The following SPMAP2L variants were observed in gnomAD, a reference collection of about 807,000 sequenced individuals.
SPMAP2L encodes the protein sperm microtubule associated protein 2 like.
At chr4:56,559,778 A>G in the SPMAP2L span, among the ~76,000 whole-genome samples, 1 of 152,122 alleles carries the variant, frequency 6.6e-6, no homozygotes, top group African/African-American at 2.4e-5. Flanking sequence ...TATGTTGGCC[A>G]GACTGGTCTC....
chr4:56,613,182 G>C, the SPMAP2L span, among the ~76,000 whole-genome samples: 1 of 152,310 alleles, frequency 6.6e-6, no homozygotes, highest in South Asian at 2.1e-4. Context: ...GCAGTAAGGG[G>C]AGGGAGCCTG....
At chr4:56,536,594 A>T in the SPMAP2L span, among the ~76,000 whole-genome samples, 1 of 152,306 alleles carries the variant, frequency 6.6e-6, no homozygotes, top group East Asian at 1.9e-4. Context: ...TGAATGAAAG[A>T]TCTCTTCATT....
the SPMAP2L span, among the ~76,000 whole-genome samples, chr4:56,609,133 T>TCTGC: frequency 6.8e-6 from 1 of 147,396 alleles, no homozygotes; most frequent in Non-Finnish European, 1.5e-5. Context: ...CACTGCAACC[T>TCTGC]CTGCCTCCCG....
the SPMAP2L span, among the ~76,000 whole-genome samples, chr4:56,549,049 C>T: frequency 1.4e-5 from 2 of 147,968 alleles, no homozygotes; most frequent in East Asian, 2.0e-4. Context: ...AGTGCAGTGG[C>T]GTGATCTCGG....
At chr4:56,592,325 A>G in the SPMAP2L span, among the ~76,000 whole-genome samples, 2 of 152,200 alleles carry the variant, frequency 1.3e-5, no homozygotes, top group Non-Finnish European at 2.9e-5. Flanking sequence ...GCTTTATAGC[A>G]TTCTTTTTTG....
the SPMAP2L span, among the ~76,000 whole-genome samples, chr4:56,587,839 T>A: frequency 6.6e-6 from 1 of 152,250 alleles, no homozygotes; most frequent in African/African-American, 2.4e-5. Flanking sequence ...TACCCAGCAG[T>A]GGGATTGCTG....
At chr4:56,575,238 G>C in the SPMAP2L span, among the ~76,000 whole-genome samples, 1 of 140,000 alleles carries the variant, frequency 7.1e-6, no homozygotes, top group Non-Finnish European at 1.6e-5. Context: ...GACAGAGCGA[G>C]ACTCCATCTC....
At chr4:56,541,976 T>C in the SPMAP2L span, among the ~76,000 whole-genome samples, 1 of 152,178 alleles carries the variant, frequency 6.6e-6, no homozygotes, top group South Asian at 2.1e-4. Flanking sequence ...GCCCACTAAA[T>C]ACATGTTTCC....
the SPMAP2L span, among the ~76,000 whole-genome samples, chr4:56,622,143 T>C: frequency 6.6e-6 from 1 of 152,148 alleles, no homozygotes; most frequent in African/African-American, 2.4e-5. Flanking sequence ...TCTGTAAACC[T>C]AAAATGCTAA....
chr4:56,609,126 T>G, the SPMAP2L span, among the ~76,000 whole-genome samples: 1 of 150,632 alleles, frequency 6.6e-6, no homozygotes, highest in African/African-American at 2.4e-5. Context: ...CTTGGCTCAC[T>G]GCAACCTCTG....
the SPMAP2L span, among the ~76,000 whole-genome samples, chr4:56,607,811 C>A: frequency 6.6e-6 from 1 of 151,784 alleles, no homozygotes; most frequent in African/African-American, 2.4e-5. Context: ...AACATAGGGA[C>A]ACCCCATTTT....
the SPMAP2L span, among the ~76,000 whole-genome samples, chr4:56,542,168 G>C: frequency 1.3e-5 from 2 of 152,188 alleles, 1 homozygote; most frequent in South Asian, 4.1e-4. Flanking sequence ...CTGGCGGCGG[G>C]GACATCAACC....
the SPMAP2L span, among the ~76,000 whole-genome samples, chr4:56,560,301 A>C: frequency 1.3e-5 from 2 of 152,168 alleles, no homozygotes; most frequent in African/African-American, 4.8e-5. Flanking sequence ...CCTTGGCTTC[A>C]GTGATACTCT....
chr4:56,568,095 T>C, the SPMAP2L span, among the ~76,000 whole-genome samples: 1 of 152,190 alleles, frequency 6.6e-6, no homozygotes, highest in Non-Finnish European at 1.5e-5. Flanking sequence ...ACCCAGAGTA[T>C]TTTTCTTCTC....
chr4:56,541,807 ATTCT>A, the SPMAP2L span, among the ~76,000 whole-genome samples: 1 of 152,114 alleles, frequency 6.6e-6, no homozygotes, highest in African/African-American at 2.4e-5. Flanking sequence ...ATTTACAATT[ATTCT>A]TTCTTTCTTT....
chr4:56,595,733 T>G, the SPMAP2L span: 1 of 929,308 alleles, frequency 1.1e-6, no homozygotes, highest in Non-Finnish European at 1.8e-6. Context: ...CCTCTCTCCC[T>G]AAGTTTAAAG....
the SPMAP2L span, among the ~76,000 whole-genome samples, chr4:56,580,884 A>G: frequency 6.6e-6 from 1 of 152,214 alleles, no homozygotes; most frequent in Admixed American, 6.5e-5. Context: ...TTGCAGTAGT[A>G]TCAAAAAGAA....
the SPMAP2L span, among the ~76,000 whole-genome samples, chr4:56,550,855 T>G: frequency 6.6e-6 from 1 of 152,034 alleles, no homozygotes; most frequent in South Asian, 2.1e-4. Flanking sequence ...TAGTCCCAGC[T>G]ACTCAGGAGG....
the SPMAP2L span, among the ~76,000 whole-genome samples, chr4:56,532,134 T>C: frequency 6.6e-6 from 1 of 152,224 alleles, no homozygotes; most frequent in African/African-American, 2.4e-5. Context: ...AAGCTCACTT[T>C]ATTCCCTTAG....
Sources: allele counts gnomAD v4.1 joint callset (sites outside exome capture counted in the v4.1 genomes callset), GRCh38; gene constraint gnomAD v4.1.1; transcripts MANE v1.5; gene names NCBI Gene and HGNC (gene_info 2026-07-23, HGNC 2026-07-21).